Variants in TLE1 observed in about 807,000 individuals in gnomAD.
The protein encoded by TLE1 is TLE family member 1, transcriptional corepressor.
A neutral mutation model predicts 89.8 loss-of-function variants in TLE1; 21 were observed. The observed-to-expected ratio is 0.23, with a 90% CI of 0.17 to 0.34. The LOEUF is 0.34. Among genes scored for constraint, TLE1 ranks in the 10% least tolerant of loss-of-function variants. The pLI, the probability that TLE1 is intolerant of heterozygous loss-of-function variation, is 1.00. For missense variants in TLE1, 795 were observed against 1,031.2 expected (o/e 0.77, Z 3.14); for synonymous variants, 447 against 407.6 (o/e 1.10, Z -1.16).
In TLE1 at chr9:81,620,463, T is replaced by A; in HGVS notation, c.689A>T (p.Asp230Val). ...FSNDIKKRKV[D>V]DKDSSHYDSD... ...TACATAGTGGCTGGAGTCCTTATCA[T>A]CCACCTTCCTTTTCTTGATGTCATT... is the stretch of plus-strand genomic sequence containing the variant. Residue 230 changes from aspartate (D) to valine (V), a missense_variant, in exon 9 of 20, where the codon GAT (aspartate) becomes GTT (valine). This residue lies in a region of TLE1 where 468 missense variants were observed against 509.1 expected (regional missense o/e 0.92). Coordinates refer to ENST00000376499, the MANE Select transcript of TLE1 (RefSeq NM_005077.5). 6.2e-7 allele frequency: 1 copy of A among 1,614,002 alleles called. No individual in the cohort carries two copies. Among genetic ancestry groups the A allele is most frequent in the Non-Finnish European group, 8.5e-7 (1 of 1,179,950 alleles).
intron 4 of TLE1, among the ~76,000 whole-genome samples, chr9:81,657,288 C>CTT (rs1830256590): frequency 6.6e-6 from 1 of 152,152 alleles, no homozygotes; most frequent in Non-Finnish European, 1.5e-5. Flanking sequence ...CTGTATAGAA[C>CTT]TTTAAGTCTT....
At chr9:81,652,335 T>C in intron 5 of TLE1, 47 bp from the exon 6 acceptor site, 1 of 1,539,794 alleles carries the variant, frequency 6.5e-7, no homozygotes, top group Middle Eastern at 1.7e-4. Flanking sequence ...GCCAAAAACT[T>C]CACTGTATAT....
At chr9:81,650,296 C>A (rs900913427) in intron 6 of TLE1, among the ~76,000 whole-genome samples, 4 of 152,206 alleles carry the variant, frequency 2.6e-5, no homozygotes, top group African/African-American at 9.6e-5. Context: ...AGGAGATTCA[C>A]AAGAGCTGGG....
intron 8 of TLE1, among the ~76,000 whole-genome samples, chr9:81,625,878 T>C (rs1225694858): frequency 8.0e-6 from 1 of 124,394 alleles, no homozygotes; most frequent in African/African-American, 3.1e-5. Context: ...TCACATCTAC[T>C]AACATGTTCT....
intron 4 of TLE1, among the ~76,000 whole-genome samples, chr9:81,674,325 T>G (rs1832619278): frequency 6.6e-6 from 1 of 152,156 alleles, no homozygotes; most frequent in South Asian, 2.1e-4. Context: ...TATAAGAAGC[T>G]CTGACCAGCT....
chr9:81,614,059 C>T (rs1824085109), intron 11 of TLE1, among the ~76,000 whole-genome samples: 1 of 152,050 alleles, frequency 6.6e-6, no homozygotes, highest in Admixed American at 6.5e-5. Context: ...AGGTGCCCGC[C>T]ACCATGCCCA....
intron 4 of TLE1, among the ~76,000 whole-genome samples, chr9:81,671,006 T>C (rs897262030): frequency 6.6e-6 from 1 of 151,732 alleles, no homozygotes; most frequent in Non-Finnish European, 1.5e-5. Context: ...CCATCTCTAC[T>C]AAAAATCCAA....
intron 7 of TLE1, 103 bp from the exon 8 acceptor site, chr9:81,633,467 A>G (rs2132354343): frequency 6.4e-7 from 1 of 1,564,210 alleles, no homozygotes; most frequent in East Asian, 2.3e-5. Flanking sequence ...ACAAGCCCCA[A>G]ACAGTTTTAA....
chr9:81,615,107 AAAAAAAAAAAAAAAGAAGAAG>A (rs1824273598), intron 11 of TLE1, among the ~76,000 whole-genome samples: 1 of 124,456 alleles, frequency 8.0e-6, no homozygotes, highest in Admixed American at 8.1e-5. Context: ...AAAAAAAAAA[AAAAAAAAAAAAAAAGAAGAAG>A]AAGAAGAAGG....
chr9:81,681,366 T>C (rs1221177562), intron 4 of TLE1, among the ~76,000 whole-genome samples: 1 of 151,612 alleles, frequency 6.6e-6, no homozygotes, highest in East Asian at 2.0e-4. Context: ...GCCTAGCCAA[T>C]ATAGTGAAAC....
intron 4 of TLE1, among the ~76,000 whole-genome samples, chr9:81,662,189 C>CCCT: frequency 6.6e-6 from 1 of 152,144 alleles, no homozygotes; most frequent in African/African-American, 2.4e-5. Context: ...TTAACATTTG[C>CCCT]CCTCCTAATA....
At chr9:81,686,990 A>T (rs1248733313) in intron 2 of TLE1, among the ~76,000 whole-genome samples, 1 of 152,218 alleles carries the variant, frequency 6.6e-6, no homozygotes, top group Non-Finnish European at 1.5e-5. Context: ...ACACTCCAGG[A>T]CTGAGACATC....
chr9:81,683,453 C>A (rs1015257136), intron 4 of TLE1, among the ~76,000 whole-genome samples: 1 of 152,038 alleles, frequency 6.6e-6, no homozygotes, highest in African/African-American at 2.4e-5. Flanking sequence ...TGCTGGTGAT[C>A]AGGCGGCAAA....
chr9:81,622,730 T>C (rs577140484), intron 8 of TLE1, among the ~76,000 whole-genome samples: 3 of 152,272 alleles, frequency 2.0e-5, no homozygotes, highest in African/African-American at 7.2e-5. Flanking sequence ...CCCCTGCTTA[T>C]CTGAAAATGG....
chr9:81,599,438 C>T (rs1279014326), intron 14 of TLE1, among the ~76,000 whole-genome samples: 1 of 152,058 alleles, frequency 6.6e-6, no homozygotes, highest in South Asian at 2.1e-4. Flanking sequence ...ATGTCGACAT[C>T]GTGAGTGTGA....
chr9:81,618,118 G>C lies in TLE1; in HGVS notation c.712-1419C>G, dbSNP rs767812841. Among the ~76,000 whole-genome samples the C allele has an allele frequency of 2.6e-5, 4 of 152,260 alleles. No individual in the cohort carries two copies. The South Asian group carries it at 8.3e-4, about 32-fold the overall frequency. The stretch of plus-strand genomic sequence containing the variant: ...AAAAGTCTACCTTCTTAGCCAAAAC[G>C]TCTCATGTCCTTTAGGGCAGAGTAA... On this transcript the variant is annotated intron_variant, in intron 9 of 19. Coordinates refer to ENST00000376499, the MANE Select transcript of TLE1 (RefSeq NM_005077.5).
chr9:81,589,199 G>A (rs1309485758), intron 16 of TLE1, among the ~76,000 whole-genome samples: 1 of 152,134 alleles, frequency 6.6e-6, no homozygotes, highest in Admixed American at 6.5e-5. Flanking sequence ...GAAATCCAGT[G>A]ACCCTCTGAC....
At chr9:81,604,303 G>A (rs918605999) in intron 14 of TLE1, among the ~76,000 whole-genome samples, 4 of 152,146 alleles carry the variant, frequency 2.6e-5, no homozygotes, top group Admixed American at 2.6e-4. Context: ...TGGATGGAAA[G>A]GAAGTGACAG....
chr9:81,586,270 G>A (rs1442468769), intron 17 of TLE1, among the ~76,000 whole-genome samples: 1 of 152,148 alleles, frequency 6.6e-6, no homozygotes, highest in Non-Finnish European at 1.5e-5. Context: ...ACCCGCCTCG[G>A]CCTCCCAAAG....
Sources: gnomAD v4.1 joint callset for allele counts (sites outside exome capture counted in the v4.1 genomes callset) on GRCh38, gnomAD v4.1.1 for gene constraint, gnomAD v4.1.1 regional missense constraint, MANE v1.5 for transcripts, NCBI Gene and HGNC (gene_info 2026-07-23, HGNC 2026-07-21) for gene names.